Variants in TPRG1 observed in about 807,000 individuals in gnomAD.
The protein encoded by TPRG1 is tumor protein p63-regulated gene 1 protein.
TPRG1 carries 29 observed loss-of-function variants against 29.3 expected under a neutral mutation model. That is an observed-to-expected ratio of 0.99 (90% CI 0.74 to 1.35). The LOEUF is 1.35. Ranked by LOEUF, TPRG1 falls within the 40% of genes most tolerant of loss-of-function variation. The pLI is 0.00. For synonymous variants in TPRG1, 130 were observed against 116.8 expected (o/e 1.11, Z -0.73); for missense variants, 327 against 335.0 (o/e 0.98, Z 0.19).
intron 4 of TPRG1, among the ~76,000 whole-genome samples, chr3:189,042,530 A>G (rs1447347912): frequency 6.6e-6 from 1 of 152,182 alleles, no homozygotes; most frequent in African/African-American, 2.4e-5. Context: ...AAGAGGAAGG[A>G]GGAAGACGTT....
At chr3:189,008,025 T>C (rs1481030909) in intron 3 of TPRG1, among the ~76,000 whole-genome samples, 1 of 145,638 alleles carries the variant, frequency 6.9e-6, no homozygotes, top group Non-Finnish European at 1.5e-5. Context: ...TGTGCACATG[T>C]ACCCTAAAAC....
At chr3:189,272,371 T>A (rs1715297550) in intron 4 of TPRG1, among the ~76,000 whole-genome samples, 1 of 152,218 alleles carries the variant, frequency 6.6e-6, no homozygotes, top group Admixed American at 6.5e-5. Context: ...TGATTCTAGA[T>A]GAGTTTCCTT....
intron 4 of TPRG1, 54 bp from the exon 5 acceptor site, chr3:189,310,332 T>TTTC: frequency 6.7e-7 from 1 of 1,487,988 alleles, no homozygotes; most frequent in Non-Finnish European, 9.0e-7. Context: ...CATTCTATTT[T>TTTC]TTTTTTTTTG....
chr3:189,175,631 G>GA (rs1445557978), intron 1 of TPRG1, among the ~76,000 whole-genome samples: 1 of 151,726 alleles, frequency 6.6e-6, no homozygotes, highest in South Asian at 2.1e-4. Context: ...AGAAGTAACA[G>GA]AAAAAAAAGA....
intron 4 of TPRG1, among the ~76,000 whole-genome samples, chr3:189,090,326 G>A (rs1295680422): frequency 6.6e-6 from 1 of 152,006 alleles, no homozygotes; most frequent in East Asian, 1.9e-4. Flanking sequence ...ATTTCTAACT[G>A]TACTGCTTTA....
At chr3:189,064,431 GAA>G (rs564663141) in intron 4 of TPRG1, among the ~76,000 whole-genome samples, 1 of 148,702 alleles carries the variant, frequency 6.7e-6, no homozygotes, top group Non-Finnish European at 1.5e-5. Context: ...CTGTACACAA[GAA>G]AAAAAAATTC....
At chr3:189,251,370 T>C (rs976396995) in intron 4 of TPRG1, among the ~76,000 whole-genome samples, 1 of 152,140 alleles carries the variant, frequency 6.6e-6, no homozygotes, top group Non-Finnish European at 1.5e-5. Context: ...CAGATTCTCT[T>C]TGAAGGGGTG....
At chr3:189,183,005 C>T (rs753065496) in intron 1 of TPRG1, among the ~76,000 whole-genome samples, 1 of 152,142 alleles carries the variant, frequency 6.6e-6, no homozygotes, top group Non-Finnish European at 1.5e-5. Context: ...AAATTATTAA[C>T]TAAGTAGAGT....
At position 189,321,243 on chromosome 3, in the gene TPRG1, A is replaced by G. The variant is rs1315092538; in HGVS notation, c.*423A>G. On this transcript the variant is annotated 3_prime_UTR_variant, in exon 6 of 6. Transcript: ENST00000345063. ...CACTGTCTCTAGTATTTTAGCTACC[A>G]CTTGATAAGGATGACTTCCAAATTT... 6.7e-6 allele frequency: 1 copy of G among 148,364 alleles called. No homozygotes were observed. The highest frequency in any genetic ancestry group is 2.5e-5 in the African/African-American group (1 of 39,974). 9.2% of individuals were successfully genotyped at this position (148,364 alleles called of 1,614,324 possible). A position where few individuals can be genotyped will look rare whatever the true frequency, so the allele number is the denominator to read the frequency against.
chr3:189,037,806 A>G (rs1270595144), intron 4 of TPRG1, among the ~76,000 whole-genome samples: 7 of 151,776 alleles, frequency 4.6e-5, no homozygotes, highest in Admixed American at 3.9e-4. Flanking sequence ...TAAATTAGTA[A>G]GATATATCCA....
chr3:189,146,298 C>T (rs961334021), intron 3 of TPRG1, among the ~76,000 whole-genome samples: 15 of 152,314 alleles, frequency 9.8e-5, no homozygotes, highest in Admixed American at 8.5e-4. Context: ...TGACCTCCAC[C>T]TTCAGTTAGG....
chr3:189,207,560 A>G lies in TPRG1; in HGVS notation c.176A>G (p.Gln59Arg). 6.2e-7 allele frequency: 1 copy of G among 1,614,042 alleles called. No individual in the cohort carries two copies. The highest frequency in any genetic ancestry group is 1.1e-5 in the South Asian group (1 of 91,082). ...ESTLYPNPYH[Q>R]PYISRKYFAT... ...ACTCTTTACCCCAATCCTTATCATC[A>G]GCCTTATATCTCACGGAAGTACTTT... The change falls in exon 2 of 6, where the codon CAG (glutamine) becomes CGG (arginine). Residue 59 changes from glutamine to arginine, a missense_variant. Physicochemically the swap from Gln to Arg is conservative, Grantham distance 43. Transcript: ENST00000345063.
intron 3 of TPRG1, chr3:189,219,876 C>A (rs1736685806): frequency 1.7e-6 from 1 of 587,714 alleles, no homozygotes; most frequent in Non-Finnish European, 2.1e-6. Context: ...TTCATTATTC[C>A]CCCAACTCCA....
intron 4 of TPRG1, among the ~76,000 whole-genome samples, chr3:189,257,812 A>G (rs960292666): frequency 1.3e-5 from 2 of 152,122 alleles, no homozygotes; most frequent in African/African-American, 2.4e-5. Flanking sequence ...ATACTTGTGT[A>G]TGCTTCACAA....
chr3:189,066,185 G>A (rs188813760), intron 4 of TPRG1, among the ~76,000 whole-genome samples: 15 of 152,120 alleles, frequency 9.9e-5, no homozygotes, highest in Admixed American at 5.9e-4. Flanking sequence ...AAAAGTCTCC[G>A]AGCAAAGGAA....
At chr3:189,101,586 G>A (rs904654380) in intron 1 of TPRG1, among the ~76,000 whole-genome samples, 20 of 151,942 alleles carry the variant, frequency 1.3e-4, no homozygotes, top group Non-Finnish European at 8.8e-5. Flanking sequence ...CCATCATTCT[G>A]GATGGTCAAT....
chr3:189,179,099 G>A (rs995990103), intron 1 of TPRG1, among the ~76,000 whole-genome samples: 1 of 152,124 alleles, frequency 6.6e-6, no homozygotes, highest in Non-Finnish European at 1.5e-5. Flanking sequence ...TCCTCTAGTA[G>A]TGCTTTTGTG....
intron 1 of TPRG1, among the ~76,000 whole-genome samples, chr3:189,200,982 G>A (rs1733386273): frequency 6.6e-6 from 1 of 152,108 alleles, no homozygotes; most frequent in South Asian, 2.1e-4. Context: ...AACTAGCTAG[G>A]CCCTTTTTAC....
At chr3:189,147,002 C>T (rs1469432443) in intron 3 of TPRG1, among the ~76,000 whole-genome samples, 1 of 152,200 alleles carries the variant, frequency 6.6e-6, no homozygotes, top group Admixed American at 6.5e-5. Context: ...CTGGGGTCCA[C>T]ATGTATTTTC....
Sources: gnomAD v4.1 joint callset for allele counts (sites outside exome capture counted in the v4.1 genomes callset) on GRCh38, gnomAD v4.1.1 for gene constraint, MANE v1.5 for transcripts, NCBI Gene and HGNC (gene_info 2026-07-23, HGNC 2026-07-21) for gene names.